Variants in DLC1 observed in about 807,000 individuals in gnomAD.
DLC1 encodes the protein rho GTPase-activating protein 7.
DLC1 carries 54 observed loss-of-function variants against 140.3 expected under a neutral mutation model. That is an observed-to-expected ratio of 0.38 (90% confidence interval 0.31 to 0.48). The LOEUF (loss-of-function observed/expected upper bound fraction) is 0.48, where lower values mean the gene tolerates loss of function less well. DLC1 is among the 20% of genes least tolerant of loss of function. The pLI, the probability that DLC1 is intolerant of heterozygous loss-of-function variation, is 0.96. For synonymous variants in DLC1, 986 were observed against 728.1 expected (o/e 1.35, Z -5.70); for missense variants, 2,536 against 1,907.0 (o/e 1.33, Z -6.14).
At chr8:13,251,626 G>A (rs4363194) in intron 5 of DLC1, among the ~76,000 whole-genome samples, 34,148 of 151,952 alleles carry the variant, frequency 0.22, 3,950 homozygotes, top group South Asian at 0.34. Flanking sequence ...TTGAGTACCT[G>A]ACTATGTGAG....
chr8:13,273,044 T>C (rs2117390067), intron 5 of DLC1, among the ~76,000 whole-genome samples: 1 of 152,354 alleles, frequency 6.6e-6, no homozygotes, highest in East Asian at 1.9e-4. Context: ...GTTTCCTCTA[T>C]AATTCTATAT....
chr8:13,574,929 T>C (rs1804784109), intron 1 of DLC1, among the ~76,000 whole-genome samples: 1 of 152,212 alleles, frequency 6.6e-6, no homozygotes, highest in African/African-American at 2.4e-5. Flanking sequence ...AGCAGCATAG[T>C]AAACAGGTTG....
intron 16 of DLC1, among the ~76,000 whole-genome samples, chr8:13,086,710 G>T (rs1301351235): frequency 1.3e-5 from 2 of 152,148 alleles, no homozygotes; most frequent in African/African-American, 4.8e-5. Context: ...CCTAATGGGA[G>T]CTGGATTAAT....
At position 13,499,306 on chromosome 8, in the gene DLC1, CAT is replaced by C. The variant is rs766809896; in HGVS notation, c.764_765del (p.Asn255ArgfsTer36). 1.2e-6 allele frequency: 2 copies of C among 1,614,080 alleles called. No homozygotes were observed. The highest frequency in any genetic ancestry group is 1.7e-6 in the Non-Finnish European group (2 of 1,180,014). The stretch of plus-strand genomic sequence containing the variant: ...TTTGTGCAAGGAGTATCCAAGAACT[CAT>C]TTTGTACTACATTGCAGGTGCTTCT... ...NERSTCNVVQ[N>X]EFLDTPCTNR... On this transcript the variant is annotated frameshift_variant, in exon 2 of 18. Transcript: ENST00000276297. LOFTEE classifies it high-confidence loss of function.
intron 5 of DLC1, among the ~76,000 whole-genome samples, chr8:13,273,317 G>C (rs1283668232): frequency 6.6e-6 from 1 of 152,166 alleles, no homozygotes; most frequent in African/African-American, 2.4e-5. Flanking sequence ...CTCAACCACT[G>C]TCATCCTCAA....
At chr8:13,555,673 T>C (rs1194618833) in intron 1 of DLC1, among the ~76,000 whole-genome samples, 1 of 151,136 alleles carries the variant, frequency 6.6e-6, no homozygotes, top group Non-Finnish European at 1.5e-5. Flanking sequence ...TTTTTTTTTT[T>C]GTATTTTTAT....
At chr8:13,196,786 C>T (rs750182573) in intron 5 of DLC1, among the ~76,000 whole-genome samples, 3 of 152,140 alleles carry the variant, frequency 2.0e-5, no homozygotes, top group Non-Finnish European at 4.4e-5. Context: ...TCTTTCAGTC[C>T]TCCTGTGAAG....
At chr8:13,347,730 C>T (rs1563271931) in intron 4 of DLC1, among the ~76,000 whole-genome samples, 1 of 152,060 alleles carries the variant, frequency 6.6e-6, no homozygotes, top group Admixed American at 6.5e-5. Context: ...GGCACAGAAG[C>T]ATGAATAACT....
At chr8:13,201,310 G>T (rs1205047489) in intron 5 of DLC1, among the ~76,000 whole-genome samples, 1 of 152,050 alleles carries the variant, frequency 6.6e-6, no homozygotes, top group African/African-American at 2.4e-5. Flanking sequence ...CTATTTTAAT[G>T]ATTTTTTGCA....
chr8:13,178,550 G>A (rs1825871207), intron 5 of DLC1, among the ~76,000 whole-genome samples: 1 of 148,692 alleles, frequency 6.7e-6, no homozygotes, highest in Non-Finnish European at 1.5e-5. Context: ...TCCAGCCTGG[G>A]CGACAGAGTG....
intron 1 of DLC1, among the ~76,000 whole-genome samples, chr8:13,572,325 G>A (rs1338450044): frequency 6.6e-6 from 1 of 151,976 alleles, no homozygotes; most frequent in Admixed American, 6.6e-5. Flanking sequence ...TCCTGACCTT[G>A]TGATCCACCT....
rs190423394 is a variant in DLC1, at chr8:13,384,713, C to T, written c.1314+8840G>A. Among the ~76,000 whole-genome samples, 46 of 152,192 alleles carry T rather than the reference C, an allele frequency of 3.0e-4. 1 individual carries two copies. Among genetic ancestry groups the T allele is most frequent in the Admixed American group, 2.6e-3 (39 of 15,286 alleles). On this transcript the variant is annotated intron_variant, in intron 4 of 17. Transcript: ENST00000276297. ...ATTTGGGCCAGCAGAACCATAGACC[C>T]GGGCTAGGTTGAGTTGCTCTAATCT...
intron 2 of DLC1, among the ~76,000 whole-genome samples, chr8:13,403,117 A>C (rs1164459435): frequency 1.3e-5 from 2 of 152,184 alleles, no homozygotes; most frequent in African/African-American, 4.8e-5. Flanking sequence ...ATACGTTAAG[A>C]ATTTTTTGAG....
At chr8:13,422,006 C>G (rs1473412174) in intron 2 of DLC1, among the ~76,000 whole-genome samples, 1 of 152,108 alleles carries the variant, frequency 6.6e-6, no homozygotes, top group East Asian at 1.9e-4. Context: ...GTGGAGTTGA[C>G]TTGTACCTAT....
intron 8 of DLC1, among the ~76,000 whole-genome samples, chr8:13,102,469 C>G (rs1203949839): frequency 6.6e-6 from 1 of 152,128 alleles, no homozygotes; most frequent in Admixed American, 6.5e-5. Flanking sequence ...TTTATTTCCT[C>G]TATGAGCAAT....
chr8:13,435,841 G>A (rs780448214), intron 2 of DLC1, among the ~76,000 whole-genome samples: 33 of 152,296 alleles, frequency 2.2e-4, no homozygotes, highest in Non-Finnish European at 3.5e-4. Context: ...TTTTGTGAAA[G>A]GAAGAGTCTA....
chr8:13,199,331 G>A (rs1208454132), intron 5 of DLC1, among the ~76,000 whole-genome samples: 1 of 151,876 alleles, frequency 6.6e-6, no homozygotes, highest in Admixed American at 6.6e-5. Flanking sequence ...ATACAGGCAT[G>A]CACCACCACA....
At chr8:13,527,654 A>G (rs1802961268) in intron 1 of DLC1, among the ~76,000 whole-genome samples, 2 of 152,110 alleles carry the variant, frequency 1.3e-5, no homozygotes, top group South Asian at 4.1e-4. Flanking sequence ...GGCCAATCAT[A>G]TTGTTATTTT....
At chr8:13,159,661 A>T (rs1010531005) in intron 5 of DLC1, among the ~76,000 whole-genome samples, 1 of 152,056 alleles carries the variant, frequency 6.6e-6, no homozygotes, top group South Asian at 2.1e-4. Context: ...GGTACTACAG[A>T]ACAGAGCCCA....
Sources: gnomAD v4.1 joint callset for allele counts (sites outside exome capture counted in the v4.1 genomes callset) on GRCh38, gnomAD v4.1.1 for gene constraint, MANE v1.5 for transcripts, NCBI Gene and HGNC (gene_info 2026-07-23, HGNC 2026-07-21) for gene names.